Variants in ODF2L observed in about 807,000 individuals in gnomAD.
The protein encoded by ODF2L is protein BCAP.
Under a neutral mutation model 86.3 loss-of-function variants are expected in ODF2L, and 76 were observed. That is an observed-to-expected ratio of 0.88 (90% CI 0.73 to 1.07). ODF2L has a LOEUF of 1.07. Among genes scored for constraint, ODF2L ranks in the 50% least tolerant of loss-of-function variants. ODF2L has a pLI of 0.00. For missense variants in ODF2L, 748 were observed against 717.4 expected (o/e 1.04, Z -0.49); for synonymous variants, 241 against 231.3 (o/e 1.04, Z -0.38).
At chr1:86,352,923 T>C in exon 17 of ODF2L, 3 of 1,545,384 alleles carry the variant, frequency 1.9e-6, no homozygotes, top group Non-Finnish European at 2.7e-6. Context: ...AGTTTCCAGA[T>C]CTAATATTTT....
At chr1:86,347,246 A>G (rs1038180361), downstream of ODF2L, 4 of 152,194 alleles carry the variant, frequency 2.6e-5, no homozygotes, top group Non-Finnish European at 4.4e-5. Flanking sequence ...CTCTTTCAAC[A>G]TCTGTCCATC....
chr1:86,380,778 G>A (rs1185366918), intron 7 of ODF2L, among the ~76,000 whole-genome samples: 1 of 151,922 alleles, frequency 6.6e-6, no homozygotes, highest in Non-Finnish European at 1.5e-5. Flanking sequence ...ATAAGAAAAC[G>A]TTCTAATTCT....
intron 13 of ODF2L, chr1:86,357,957 C>T (rs966004404): frequency 3.0e-6 from 3 of 985,204 alleles, no homozygotes; most frequent in East Asian, 1.1e-4. Flanking sequence ...ATGGTTTATT[C>T]GCTGGCCTGC....
chr1:86,382,388 A>T, intron 6 of ODF2L, 30 bp from the exon 7 acceptor site: 1 of 1,606,596 alleles, frequency 6.2e-7, no homozygotes, highest in Non-Finnish European at 8.5e-7. Flanking sequence ...AAAACCAAAA[A>T]AATCCATATT....
chr1:86,360,470 CT>C lies in ODF2L; in HGVS notation c.1209del (p.Val404Ter), dbSNP rs1309563028. 1 of 1,599,584 alleles carries C rather than the reference CT, an allele frequency of 6.3e-7. No homozygotes were observed. The highest frequency in any genetic ancestry group is 8.6e-7 in the Non-Finnish European group (1 of 1,169,240). The stretch of plus-strand genomic sequence containing the variant: ...ATAAGGGTTTTCTGTTTTTTTTCTA[CT>C]TCTTGCAATTCTGAGAGTTCATTTT... On this transcript the variant is annotated frameshift_variant, in exon 12 of 18. Transcript: ENST00000317336. LOFTEE classifies it high-confidence loss of function.
Position 86,393,907 on chromosome 1 carries a change from G to A in ODF2L, c.-60+2126C>T, listed in dbSNP as rs557704670. 1.5e-4 allele frequency among the ~76,000 whole-genome samples: 23 copies of A among 152,152 alleles called. No homozygotes were observed. The South Asian group carries it at 4.8e-3, about 32-fold the overall frequency. ...ACTAAATTATTTACTGTTTAAACTC[G>A]GACACTTTTGAGTGTCCATATAGAG... On this transcript the variant is annotated intron_variant, in intron 1 of 17. Transcript: ENST00000317336.
At chr1:86,374,208 G>A (rs1660015381) in intron 8 of ODF2L, among the ~76,000 whole-genome samples, 1 of 151,866 alleles carries the variant, frequency 6.6e-6, no homozygotes, top group Admixed American at 6.6e-5. Flanking sequence ...TTTTTTCACA[G>A]GAATATTTTG....
intron 11 of ODF2L, chr1:86,361,049 T>A (rs1659000312): frequency 6.6e-6 from 1 of 152,140 alleles, no homozygotes; most frequent in South Asian, 2.1e-4. Flanking sequence ...CAGATAAAAC[T>A]GTATTTCATT....
In ODF2L at chr1:86,371,016, A is replaced by G; in HGVS notation, c.1056+2T>C. On this transcript the variant is annotated splice_donor_variant, in intron 10 of 17. Coordinates refer to ENST00000317336, the Ensembl canonical transcript of ODF2L. LOFTEE classifies it high-confidence loss of function. ...GCCTGCTCAAACACTCATACATAGTACCTTTAATTTTGTATTCTCAAGATT... is the reference window on the plus strand; with the variant it reads ...GCCTGCTCAAACACTCATACATAGTGCCTTTAATTTTGTATTCTCAAGATT... The G allele has an allele frequency of 6.4e-7, 1 of 1,559,606 alleles. No homozygotes were observed. Among genetic ancestry groups the G allele is most frequent in the Non-Finnish European group, 8.7e-7 (1 of 1,153,480 alleles).
intron 8 of ODF2L, among the ~76,000 whole-genome samples, chr1:86,374,143 T>C (rs2101070570): frequency 6.6e-6 from 1 of 152,308 alleles, no homozygotes; most frequent in Non-Finnish European, 1.5e-5. Context: ...ATTCATCCAT[T>C]TACTGAGCAA....
chr1:86,354,881 T>C (rs1323869416), intron 14 of ODF2L, 22 bp from the exon 14 acceptor site: 2 of 1,385,794 alleles, frequency 1.4e-6, no homozygotes, highest in African/African-American at 1.4e-5. Context: ...AAAAAAGTTT[T>C]CTTAGTCATT....
rs547518391 is a variant in ODF2L, at chr1:86,376,281, G to C, written c.762C>G (p.Asp254Glu). Reference sequence around the variant, plus strand: ...GCTTTTCAATAGCTCCTGTAAAATGGTCAAGCCTTTGTTTGTAAACTTTAG... The same window carrying C: ...GCTTTTCAATAGCTCCTGTAAAATGCTCAAGCCTTTGTTTGTAAACTTTAG... The change falls in exon 8 of 18, where the codon GAC (aspartate) becomes GAG (glutamate). Residue 254 changes from aspartate (D) to glutamate (E), a missense_variant. Coordinates refer to ENST00000317336, the Ensembl canonical transcript of ODF2L. 7.4e-6 allele frequency: 12 copies of C among 1,612,600 alleles called. No homozygotes were observed. The highest frequency in any genetic ancestry group is 8.5e-6 in the Non-Finnish European group (10 of 1,179,132).
intron 11 of ODF2L, among the ~76,000 whole-genome samples, chr1:86,362,388 G>A (rs978821927): frequency 4.6e-5 from 7 of 151,756 alleles, no homozygotes; most frequent in South Asian, 4.2e-4. Flanking sequence ...CAGCCTCTCC[G>A]GCCCAAGCGA....
intron 1 of ODF2L, among the ~76,000 whole-genome samples, chr1:86,395,543 A>G (rs755914890): frequency 1.4e-4 from 21 of 152,124 alleles, no homozygotes; most frequent in African/African-American, 1.9e-4. Flanking sequence ...CCCGCACTAC[A>G]GGGGTCGCCT....
At chr1:86,361,020 T>C (rs921040770) in intron 11 of ODF2L, 7 of 152,218 alleles carry the variant, frequency 4.6e-5, no homozygotes, top group African/African-American at 1.4e-4. Flanking sequence ...ATAAAAACTT[T>C]AAAAATTTTC....
At chr1:86,392,513 A>G (rs1198536157) in intron 1 of ODF2L, among the ~76,000 whole-genome samples, 3 of 152,250 alleles carry the variant, frequency 2.0e-5, no homozygotes, top group Non-Finnish European at 4.4e-5. Context: ...CATTCACAGC[A>G]ACATGGATGG....
At chr1:86,381,740 G>T (rs1660604547) in intron 7 of ODF2L, among the ~76,000 whole-genome samples, 1 of 151,944 alleles carries the variant, frequency 6.6e-6, no homozygotes, top group Admixed American at 6.6e-5. Context: ...CTACAAAGTT[G>T]TTTAATAAGG....
intron 1 of ODF2L, among the ~76,000 whole-genome samples, chr1:86,390,989 C>CA (rs2101560895): frequency 6.6e-6 from 1 of 152,246 alleles, no homozygotes; most frequent in Admixed American, 6.5e-5. Flanking sequence ...TTTCAAGATA[C>CA]AAAATTAATG....
Position 86,352,275 on chromosome 1 carries a change from T to C in ODF2L, c.1894-67A>G, listed in dbSNP as rs556243169. The stretch of plus-strand genomic sequence containing the variant: ...AGTAGACAGTTATTACGTAATTTAA[T>C]CATGAGTAATGCTAGCTTTCAGAAT... On this transcript the variant is annotated intron_variant, in intron 17 of 17. Transcript: ENST00000317336. The C allele has an allele frequency of 2.3e-5, 32 of 1,406,474 alleles. 1 individual carries two copies. The South Asian group carries it at 4.5e-4, about 20-fold the overall frequency. The allele number at this position is 1,406,474 out of a possible 1,614,324, so 87.1% of individuals were successfully genotyped here.
Sources: gnomAD v4.1 joint callset for allele counts (sites outside exome capture counted in the v4.1 genomes callset) on GRCh38, gnomAD v4.1.1 for gene constraint, MANE v1.5 for transcripts, NCBI Gene and HGNC (gene_info 2026-07-23, HGNC 2026-07-21) for gene names.